AIM2: variants seen among roughly 807,000 people sequenced by gnomAD.
The protein encoded by AIM2 is absent in melanoma 2, also known as interferon-inducible protein AIM2.
A neutral mutation model predicts 27.7 loss-of-function variants in AIM2; 30 were observed. The observed-to-expected ratio is 1.08, with a 90% CI of 0.81 to 1.47. The LOEUF (loss-of-function observed/expected upper bound fraction) is 1.47. Ranked by LOEUF, AIM2 falls within the 40% of genes most tolerant of loss-of-function variation. AIM2 has a pLI of 0.00. For synonymous variants in AIM2, 141 were observed against 145.3 expected (o/e 0.97, Z 0.21); for missense variants, 358 against 411.3 (o/e 0.87, Z 1.12).
chr1:159,095,527 C>T lies in AIM2; in HGVS notation c.-15-29198G>A, dbSNP rs77678048. Among the ~76,000 whole-genome samples the T allele has an allele frequency of 8.8e-3, 1,337 of 152,288 alleles. 21 individuals carry two copies. Among genetic ancestry groups the T allele is most frequent in the African/African-American group, 0.031 (1,274 of 41,556 alleles). Reference sequence around the variant, plus strand: ...GTGACAGCTGTTACCTCTGTTTCCCCAGCTACGTGCTCAAGAATGCTCTCT... The same window carrying T: ...GTGACAGCTGTTACCTCTGTTTCCCTAGCTACGTGCTCAAGAATGCTCTCT... On this transcript the variant is annotated intron_variant, in intron 1 of 2. Transcript: ENST00000368129.
At chr1:159,137,009 G>C (rs571907866) in intron 1 of AIM2, among the ~76,000 whole-genome samples, 3 of 152,208 alleles carry the variant, frequency 2.0e-5, no homozygotes, top group Admixed American at 1.3e-4. Flanking sequence ...CTACATATCT[G>C]ACTCTATTCT....
chr1:159,142,398 T>C (rs752295267), upstream of AIM2, among the ~76,000 whole-genome samples: 39 of 152,164 alleles, frequency 2.6e-4, no homozygotes, highest in Non-Finnish European at 4.6e-4. Flanking sequence ...TGAACGTATA[T>C]GTGTGAGAGA....
At chr1:159,094,926 A>T (rs1000605577) in intron 1 of AIM2, among the ~76,000 whole-genome samples, 2 of 152,214 alleles carry the variant, frequency 1.3e-5, no homozygotes, top group African/African-American at 2.4e-5. Flanking sequence ...GGTAAAAAAA[A>T]ACCCTGAATA....
At chr1:159,083,023 G>T (rs571616819) in intron 1 of AIM2, among the ~76,000 whole-genome samples, 1 of 152,160 alleles carries the variant, frequency 6.6e-6, no homozygotes, top group East Asian at 1.9e-4. Context: ...TACTGTTTTG[G>T]ATCTTTTAAA....
At chr1:159,108,724 C>A (rs6676508) in intron 1 of AIM2, among the ~76,000 whole-genome samples, 1,660 of 152,246 alleles carry the variant, frequency 0.011, 32 homozygotes, top group African/African-American at 0.038. Context: ...GTACACAAAT[C>A]AGTAGCTTTT....
At chr1:159,087,146 C>A (rs1357362693) in intron 1 of AIM2, among the ~76,000 whole-genome samples, 3 of 152,140 alleles carry the variant, frequency 2.0e-5, no homozygotes, top group African/African-American at 7.2e-5. Context: ...ATTCTTACTT[C>A]CCTTTTACTG....
intron 1 of AIM2, among the ~76,000 whole-genome samples, chr1:159,134,946 T>C (rs1271752208): frequency 6.6e-6 from 1 of 152,230 alleles, no homozygotes; most frequent in Non-Finnish European, 1.5e-5. Context: ...TTTGCCTAGT[T>C]ATTTCCTTAT....
chr1:159,084,778 T>TACAC (rs113134051), intron 1 of AIM2, among the ~76,000 whole-genome samples: 11,687 of 134,958 alleles, frequency 0.087, 781 homozygotes, highest in African/African-American at 0.18. Context: ...CTGTCTGAAA[T>TACAC]ACACACACAC....
At chr1:159,088,805 A>T (rs1408074385) in intron 1 of AIM2, among the ~76,000 whole-genome samples, 9 of 151,612 alleles carry the variant, frequency 5.9e-5, no homozygotes, top group Admixed American at 5.9e-4. Context: ...CTGCCTGGGG[A>T]CTCTGCAGAG....
chr1:159,081,237 G>A (rs149537774), upstream of AIM2: 124 of 198,766 alleles, frequency 6.2e-4, no homozygotes, highest in East Asian at 5.5e-3. Context: ...AAGAAATCCT[G>A]TTATTTGTGT....
intron 1 of AIM2, among the ~76,000 whole-genome samples, chr1:159,137,319 G>C (rs576975428): frequency 1.2e-4 from 18 of 152,300 alleles, no homozygotes; most frequent in South Asian, 2.1e-4. Context: ...CTCTCACAAA[G>C]AGGAATTGAC....
At chr1:159,114,249 T>A (rs1287837572) in intron 1 of AIM2, among the ~76,000 whole-genome samples, 2 of 151,914 alleles carry the variant, frequency 1.3e-5, no homozygotes, top group Non-Finnish European at 1.5e-5. Flanking sequence ...GCCAACAGAA[T>A]GCAAATAAGG....
chr1:159,109,835 T>C (rs1028276450), intron 1 of AIM2, among the ~76,000 whole-genome samples: 3 of 151,990 alleles, frequency 2.0e-5, no homozygotes, highest in Non-Finnish European at 4.4e-5. Flanking sequence ...ATCAGGGAAA[T>C]GCAAATCAAA....
intron 1 of AIM2, among the ~76,000 whole-genome samples, chr1:159,121,136 G>C (rs1177923480): frequency 2.0e-5 from 3 of 152,288 alleles, no homozygotes; most frequent in East Asian, 1.9e-4. Context: ...CTTTCCCCAA[G>C]AGCAAGATAT....
chr1:159,069,396 T>C (rs1258282624), intron 2 of AIM2, among the ~76,000 whole-genome samples: 5 of 152,212 alleles, frequency 3.3e-5, no homozygotes, highest in African/African-American at 9.6e-5. Context: ...TGGCCTCCAA[T>C]GACTAAAATA....
chr1:159,126,344 G>A (rs922038964), intron 1 of AIM2, among the ~76,000 whole-genome samples: 1 of 152,094 alleles, frequency 6.6e-6, no homozygotes, highest in African/African-American at 2.4e-5. Flanking sequence ...TTATGAAAAT[G>A]TAATCTAAAA....
chr1:159,079,418 C>T (rs932108020), upstream of AIM2, among the ~76,000 whole-genome samples: 1 of 151,916 alleles, frequency 6.6e-6, no homozygotes, highest in Non-Finnish European at 1.5e-5. Flanking sequence ...GAATAATAAC[C>T]AGCTAATAAG....
downstream of AIM2, among the ~76,000 whole-genome samples, chr1:159,061,387 G>A (rs1230705151): frequency 1.3e-5 from 2 of 151,632 alleles, no homozygotes; most frequent in Non-Finnish European, 2.9e-5. Flanking sequence ...TATAAATTCT[G>A]GATACAGGAT....
At chr1:159,118,263 G>A (rs968856495) in intron 1 of AIM2, among the ~76,000 whole-genome samples, 3 of 152,136 alleles carry the variant, frequency 2.0e-5, no homozygotes, top group Admixed American at 6.5e-5. Flanking sequence ...ACAGACTGTG[G>A]TTTTGTATCC....
Sources: allele counts gnomAD v4.1 joint callset (sites outside exome capture counted in the v4.1 genomes callset), GRCh38; gene constraint gnomAD v4.1.1; transcripts MANE v1.5; gene names NCBI Gene and HGNC (gene_info 2026-07-23, HGNC 2026-07-21).